Variants in ENPP5 observed in about 807,000 individuals in gnomAD.
ENPP5 encodes the protein E-NPP 5.
In ENPP5, 27 loss-of-function variants were observed where a neutral mutation model predicts 33.7. The observed-to-expected ratio is 0.80, with a 90% CI of 0.59 to 1.11. The LOEUF is 1.11. ENPP5 is among the 50% of genes least tolerant of loss of function. The pLI is 0.00. For synonymous variants in ENPP5, 199 were observed against 200.5 expected (o/e 0.99, Z 0.06); for missense variants, 552 against 579.2 (o/e 0.95, Z 0.48).
In ENPP5 at chr6:46,161,295, C is replaced by A; in HGVS notation, c.*31G>T. On this transcript the variant is annotated 3_prime_UTR_variant, in exon 5 of 5. Transcript: ENST00000371383. ...CACTGACATAATTATGGAATCTCCA[C>A]TTCAATATGCAAATCCACTTCAAAG... 6.4e-7 allele frequency: 1 copy of A among 1,562,582 alleles called. No homozygotes were observed. Among genetic ancestry groups the A allele is most frequent in the Non-Finnish European group, 8.7e-7 (1 of 1,147,482 alleles).
rs1764403378 is a variant in ENPP5, at chr6:46,161,750, C to A, written c.1010G>T (p.Gly337Val). Residue 337 changes from glycine (G) to valine (V), a missense_variant, in exon 5 of 5, where the codon GGC (glycine) becomes GTC (valine). By Grantham distance (109) the Gly-to-Val change is moderately radical (BLOSUM62 -3). Transcript: ENST00000371383. ...LQNKSDDFLL[G>V]NHGYDNALAD... ...TAACGCATTATCGTAACCGTGGTTGCCTACTGTAAAGAGAAAATATGTGAA... is the reference window on the plus strand; with the variant it reads ...TAACGCATTATCGTAACCGTGGTTGACTACTGTAAAGAGAAAATATGTGAA... The A allele has an allele frequency of 6.2e-7, 1 of 1,604,960 alleles. No homozygotes were observed. The highest frequency in any genetic ancestry group is 1.3e-5 in the African/African-American group (1 of 74,774).
chr6:46,167,599 G>A lies in ENPP5; in HGVS notation c.664C>T (p.Leu222=). 6.2e-7 allele frequency: 1 copy of A among 1,614,178 alleles called. No homozygotes were observed. The highest frequency in any genetic ancestry group is 8.5e-7 in the Non-Finnish European group (1 of 1,180,024). The change falls in exon 3 of 5, where the codon CTG becomes TTG. Residue 222 remains leucine (L), a synonymous_variant. Transcript: ENST00000371383. ...DKKLGYLIQM[L]KKAKLWNTLN... Reference sequence around the variant, plus strand: ...GTGTTCCACAACTTTGCCTTTTTCAGCATTTGTATGAGATATCCTAACTTC... The same window carrying A: ...GTGTTCCACAACTTTGCCTTTTTCAACATTTGTATGAGATATCCTAACTTC...
rs1300292237 is a variant in ENPP5, at chr6:46,170,920, C to T, written c.-210G>A. On this transcript the variant is annotated 5_prime_UTR_variant, in exon 1 of 5. Coordinates refer to ENST00000371383, the MANE Select transcript of ENPP5 (RefSeq NM_001290072.2). ...CGGCGGGAGGGTGACTGGAGGAACG[C>T]CCCCGGAACGCGCAGGAGCTCACCT... is the stretch of plus-strand genomic sequence containing the variant. 1 of 152,312 alleles carries T rather than the reference C, an allele frequency of 6.6e-6. No homozygotes were observed. Among genetic ancestry groups the T allele is most frequent in the Non-Finnish European group, 1.5e-5 (1 of 68,138 alleles). 9.4% of individuals were successfully genotyped at this position (152,312 alleles called of 1,614,324 possible).
At chr6:46,164,262 C>A (rs1764471808) in intron 4 of ENPP5, among the ~76,000 whole-genome samples, 1 of 152,142 alleles carries the variant, frequency 6.6e-6, no homozygotes, top group Non-Finnish European at 1.5e-5. Flanking sequence ...AAAAAACAAA[C>A]AACCCCATCA....
At chr6:46,166,461 T>TTTTG (rs1331139208) in intron 3 of ENPP5, among the ~76,000 whole-genome samples, 2 of 150,158 alleles carry the variant, frequency 1.3e-5, no homozygotes, top group Non-Finnish European at 3.0e-5. Context: ...TTTTTTTTTT[T>TTTTG]TTTTTTAGCA....
intron 2 of ENPP5, 148 bp from the exon 3 acceptor site, chr6:46,168,445 G>A: frequency 4.4e-6 from 2 of 457,730 alleles, no homozygotes; most frequent in Non-Finnish European, 7.7e-6. Context: ...TATTAGATAA[G>A]AGACCTGGGG....
chr6:46,161,998 A>G (rs1385915857), intron 4 of ENPP5, among the ~76,000 whole-genome samples: 1 of 152,218 alleles, frequency 6.6e-6, no homozygotes, highest in East Asian at 1.9e-4. Flanking sequence ...GAAGAAGGGT[A>G]AAGAACAAAG....
chr6:46,163,073 G>A (rs1291142490), intron 4 of ENPP5, among the ~76,000 whole-genome samples: 1 of 152,178 alleles, frequency 6.6e-6, no homozygotes, highest in Admixed American at 6.5e-5. Flanking sequence ...TGTAGTGGTA[G>A]CCCCGATCAT....
Position 46,161,769 on chromosome 6 carries a change from A to C in ENPP5, c.1007-16T>G. The stretch of plus-strand genomic sequence containing the variant: ...TGGTTGCCTACTGTAAAGAGAAAAT[A>C]TGTGAAAAAGTTAGCCAACTATGCA... On this transcript the variant is annotated splice_polypyrimidine_tract_variant and intron_variant, in intron 4 of 4. Coordinates refer to ENST00000371383, the MANE Select transcript of ENPP5 (RefSeq NM_001290072.2). The C allele has an allele frequency of 6.3e-7, 1 of 1,591,202 alleles. No individual in the cohort carries two copies. The highest frequency in any genetic ancestry group is 1.7e-5 in the Admixed American group (1 of 59,172).
At position 46,161,116 on chromosome 6, in the gene ENPP5, CAT is replaced by C; in HGVS notation, c.*208_*209del. 1.8e-6 allele frequency: 1 copy of C among 547,906 alleles called. No homozygotes were observed. Among genetic ancestry groups the C allele is most frequent in the Non-Finnish European group, 3.3e-6 (1 of 305,094 alleles). 33.9% of individuals were successfully genotyped at this position (547,906 alleles called of 1,614,324 possible). ...CCTATGCTACAGTGAACAATGGAGA[CAT>C]ACTCTCACATCTTTATTCCTTTGCA... On this transcript the variant is annotated 3_prime_UTR_variant, in exon 5 of 5. Transcript: ENST00000371383.
chr6:46,168,402 C>T (rs1395807922), intron 2 of ENPP5, 105 bp from the exon 3 acceptor site: 1 of 509,616 alleles, frequency 2.0e-6, no homozygotes, highest in Non-Finnish European at 3.4e-6. Flanking sequence ...ATTCATAAAT[C>T]ACAGCCTGGA....
chr6:46,165,697 A>G, intron 3 of ENPP5, 134 bp from the exon 4 acceptor site: 1 of 630,126 alleles, frequency 1.6e-6, no homozygotes, highest in Non-Finnish European at 2.5e-6. Context: ...CCTTGGGGAA[A>G]ACAATTTTGG....
In ENPP5 at chr6:46,167,617, C is replaced by T. The variant is rs1301113310; in HGVS notation, c.646G>A (p.Gly216Arg). 3 of 1,614,134 alleles carry T rather than the reference C, an allele frequency of 1.9e-6. No individual in the cohort carries two copies. Among genetic ancestry groups the T allele is most frequent in the Non-Finnish European group, 2.5e-6 (3 of 1,180,014 alleles). The change falls in exon 3 of 5, where the codon GGA (glycine) becomes AGA (arginine). Residue 216 changes from glycine to arginine, a missense_variant. Gly to Arg is a moderately radical substitution (Grantham distance 125, BLOSUM62 -2). Transcript: ENST00000371383. Reference sequence around the variant, plus strand: ...TTTTTCAGCATTTGTATGAGATATCCTAACTTCTTGTCAATATCTGAAATG... The same window carrying T: ...TTTTTCAGCATTTGTATGAGATATCTTAACTTCTTGTCAATATCTGAAATG... ...PVISDIDKKLGYLIQMLKKAK... is the reference protein window; with the variant it reads ...PVISDIDKKLRYLIQMLKKAK...
intron 4 of ENPP5, chr6:46,165,098 C>T (rs950177361): frequency 2.5e-5 from 6 of 236,056 alleles, no homozygotes; most frequent in South Asian, 1.0e-4. Context: ...CTATGAGTCA[C>T]GAGCACACTA....
chr6:46,168,967 CTAAA>C (rs140267762), intron 2 of ENPP5, among the ~76,000 whole-genome samples: 12,752 of 151,994 alleles, frequency 0.084, 595 homozygotes, highest in East Asian at 0.16. Flanking sequence ...ATTCGTTGAA[CTAAA>C]TAATTAGATT....
At chr6:46,166,536 C>T (rs1471851729) in intron 3 of ENPP5, among the ~76,000 whole-genome samples, 1 of 151,062 alleles carries the variant, frequency 6.6e-6, no homozygotes, top group Non-Finnish European at 1.5e-5. Context: ...CCTGCTGCCT[C>T]AGCCTCCCAA....
At chr6:46,164,283 G>A (rs537085027) in intron 4 of ENPP5, among the ~76,000 whole-genome samples, 9 of 152,274 alleles carry the variant, frequency 5.9e-5, no homozygotes, top group East Asian at 3.9e-4. Context: ...AAAAGTGGGC[G>A]AAGGACATGA....
intron 4 of ENPP5, among the ~76,000 whole-genome samples, chr6:46,162,213 C>T (rs138930779): frequency 2.6e-5 from 4 of 152,084 alleles, no homozygotes; most frequent in African/African-American, 7.2e-5. Flanking sequence ...AGGGAAAATA[C>T]GATACATAAA....
At chr6:46,164,564 C>T (rs1467018484) in intron 4 of ENPP5, among the ~76,000 whole-genome samples, 4 of 152,016 alleles carry the variant, frequency 2.6e-5, no homozygotes, top group African/African-American at 7.2e-5. Flanking sequence ...TTCAGCAAAC[C>T]ATTTCTAGAG....
Sources: gnomAD v4.1 joint callset for allele counts (sites outside exome capture counted in the v4.1 genomes callset) on GRCh38, gnomAD v4.1.1 for gene constraint, MANE v1.5 for transcripts, NCBI Gene and HGNC (gene_info 2026-07-23, HGNC 2026-07-21) for gene names.